The following WWOX variants were observed in gnomAD, a reference collection of about 807,000 sequenced individuals.
WWOX encodes WW domain-containing oxidoreductase.
A neutral mutation model predicts 46.2 loss-of-function variants in WWOX; 69 were observed. That is an observed-to-expected ratio of 1.49 (90% CI 1.23 to 1.82). WWOX has a LOEUF of 1.82. Ranked by LOEUF, WWOX falls within the 40% of genes most tolerant of loss-of-function variation. The pLI is 0.00. For synonymous variants in WWOX, 359 were observed against 202.6 expected, an observed-to-expected ratio of 1.77 and a Z score of -6.56; for missense variants, 919 against 542.6, an observed-to-expected ratio of 1.69 and a Z score of -6.89.
At chr16:79,191,264 C>G (rs772722675) in intron 8 of WWOX, among the ~76,000 whole-genome samples, 4 of 151,862 alleles carry the variant, frequency 2.6e-5, no homozygotes, top group Non-Finnish European at 5.9e-5. Flanking sequence ...CCGTGTTGCC[C>G]AGGCTGGTCT....
At chr16:78,318,562 A>T (rs1292650588) in intron 5 of WWOX, among the ~76,000 whole-genome samples, 1 of 152,170 alleles carries the variant, frequency 6.6e-6, no homozygotes, top group Non-Finnish European at 1.5e-5. Flanking sequence ...CAGTACTTGG[A>T]TTCCAGTAGC....
intron 8 of WWOX, among the ~76,000 whole-genome samples, chr16:78,683,591 A>G (rs1338652123): frequency 6.6e-6 from 1 of 151,944 alleles, no homozygotes; most frequent in Non-Finnish European, 1.5e-5. Flanking sequence ...AAATAGAGAC[A>G]AAGTCTCGCT....
At chr16:78,540,674 T>C (rs1176136863) in intron 8 of WWOX, among the ~76,000 whole-genome samples, 1 of 151,382 alleles carries the variant, frequency 6.6e-6, no homozygotes, top group African/African-American at 2.4e-5. Flanking sequence ...CTCCTGCAAA[T>C]TTTATCTAGT....
intron 6 of WWOX, among the ~76,000 whole-genome samples, chr16:78,389,706 G>A (rs917851290): frequency 2.0e-5 from 3 of 151,934 alleles, no homozygotes; most frequent in Non-Finnish European, 2.9e-5. Context: ...GCCTCTTCAC[G>A]GCTCCAACTT....
chr16:78,174,567 C>T (rs2035271411), intron 5 of WWOX, among the ~76,000 whole-genome samples: 1 of 152,182 alleles, frequency 6.6e-6, no homozygotes, highest in African/African-American at 2.4e-5. Flanking sequence ...ATCCAAATAT[C>T]CCCAAAATCT....
intron 8 of WWOX, among the ~76,000 whole-genome samples, chr16:78,784,936 G>A (rs1020398403): frequency 2.0e-5 from 3 of 152,132 alleles, no homozygotes; most frequent in Non-Finnish European, 4.4e-5. Context: ...ACGAGGAAGC[G>A]AGGTGTCCCT....
intron 8 of WWOX, among the ~76,000 whole-genome samples, chr16:78,631,738 C>T (rs552811942): frequency 2.4e-4 from 37 of 152,186 alleles, no homozygotes; most frequent in Admixed American, 4.6e-4. Context: ...GTTGCCAAGG[C>T]TAGTCTCTAA....
At chr16:78,204,584 AC>A (rs2036334203) in intron 5 of WWOX, among the ~76,000 whole-genome samples, 1 of 152,100 alleles carries the variant, frequency 6.6e-6, no homozygotes, top group African/African-American at 2.4e-5. Flanking sequence ...GCTTCTGGTA[AC>A]CATTTTTGTG....
chr16:78,471,867 C>G (rs894250086), intron 8 of WWOX, among the ~76,000 whole-genome samples: 56 of 152,206 alleles, frequency 3.7e-4, no homozygotes, highest in African/African-American at 1.3e-3. Flanking sequence ...TTTAATGTAC[C>G]AATTTGCAAT....
chr16:78,601,347 G>GGCTTA (rs1296210899), intron 8 of WWOX, among the ~76,000 whole-genome samples: 6 of 152,012 alleles, frequency 3.9e-5, no homozygotes, highest in African/African-American at 1.5e-4. Flanking sequence ...GAGACACTCA[G>GGCTTA]GCTTAGCTCT....
chr16:78,857,770 T>C (rs1230998073), intron 8 of WWOX, among the ~76,000 whole-genome samples: 2 of 152,214 alleles, frequency 1.3e-5, no homozygotes, highest in Non-Finnish European at 2.9e-5. Flanking sequence ...CCAAAAAGTT[T>C]TCCTTTACAG....
At chr16:78,309,807 G>A (rs1187195836) in intron 5 of WWOX, among the ~76,000 whole-genome samples, 1 of 152,182 alleles carries the variant, frequency 6.6e-6, no homozygotes, top group African/African-American at 2.4e-5. Flanking sequence ...CTGTCTTGTG[G>A]TCCTGAAGTC....
At chr16:78,757,570 C>G (rs1050266692) in intron 8 of WWOX, among the ~76,000 whole-genome samples, 1 of 151,690 alleles carries the variant, frequency 6.6e-6, no homozygotes, top group Non-Finnish European at 1.5e-5. Context: ...CTATAAGTGC[C>G]GTATTAAAGC....
intron 5 of WWOX, among the ~76,000 whole-genome samples, chr16:78,361,579 G>C (rs925203032): frequency 1.3e-5 from 2 of 152,024 alleles, no homozygotes; most frequent in Non-Finnish European, 2.9e-5. Flanking sequence ...TTCTTCTGAA[G>C]AAAGAGCTAT....
intron 8 of WWOX, chr16:79,206,193 G>A (rs2051503726): frequency 6.6e-6 from 1 of 152,188 alleles, no homozygotes; most frequent in African/African-American, 2.4e-5. Context: ...TTCATTTTAG[G>A]CCATGTTAGG....
At chr16:78,726,316 C>CT (rs1361756259) in intron 8 of WWOX, among the ~76,000 whole-genome samples, 1 of 151,774 alleles carries the variant, frequency 6.6e-6, no homozygotes, top group East Asian at 1.9e-4. Context: ...CCTCAACCTC[C>CT]TGGGGTCAAG....
At chr16:78,616,758 G>C (rs1433068510) in intron 8 of WWOX, among the ~76,000 whole-genome samples, 1 of 151,682 alleles carries the variant, frequency 6.6e-6, no homozygotes, top group African/African-American at 2.4e-5. Context: ...AGAGGGAGGA[G>C]ACTCCATCAA....
At chr16:78,538,590 G>C (rs899405595) in intron 8 of WWOX, among the ~76,000 whole-genome samples, 1 of 152,194 alleles carries the variant, frequency 6.6e-6, no homozygotes, top group Non-Finnish European at 1.5e-5. Flanking sequence ...TTCTCTGAGA[G>C]AATTGCTCAA....
chr16:78,413,716 C>G (rs2082733742), intron 6 of WWOX, among the ~76,000 whole-genome samples: 1 of 151,426 alleles, frequency 6.6e-6, no homozygotes, highest in African/African-American at 2.4e-5. Flanking sequence ...GATTTGTTGG[C>G]TTGAAGATGA....
Sources: allele counts gnomAD v4.1 joint callset (sites outside exome capture counted in the v4.1 genomes callset), GRCh38; gene constraint gnomAD v4.1.1; transcripts MANE v1.5; gene names NCBI Gene and HGNC (gene_info 2026-07-23, HGNC 2026-07-21).